Variants in IKZF2 observed in about 807,000 individuals in gnomAD.
IKZF2 encodes the protein zinc finger protein Helios.
Under a neutral mutation model 49.2 loss-of-function variants are expected in IKZF2, and 15 were observed. The ratio of observed to expected loss-of-function variants is 0.30; its 90% CI spans 0.20 to 0.47. The LOEUF is 0.47. Among genes scored for constraint, IKZF2 ranks in the 20% least tolerant of loss-of-function variants. The pLI, the probability that IKZF2 is intolerant of heterozygous loss-of-function variation, is 1.00. For missense variants in IKZF2, 567 were observed against 664.6 expected, an observed-to-expected ratio of 0.85 and a Z score of 1.61; for synonymous variants, 227 against 221.4, an observed-to-expected ratio of 1.03 and a Z score of -0.23.
At chr2:213,096,057 G>A (rs1705940565) in intron 4 of IKZF2, among the ~76,000 whole-genome samples, 1 of 151,854 alleles carries the variant, frequency 6.6e-6, no homozygotes, top group South Asian at 2.1e-4. Flanking sequence ...GTCCAAAAGA[G>A]CCTAGAAGAG....
Position 213,148,613 on chromosome 2 carries a change from A to G in IKZF2, c.17T>C (p.Ile6Thr), listed in dbSNP as rs141147038. 2.7e-4 allele frequency: 441 copies of G among 1,612,190 alleles called. 2 individuals are homozygous for G. In the African/African-American group the frequency reaches 4.9e-3, roughly 18 times the overall value. The change falls in exon 3 of 9, where the codon ATT becomes ACT. Residue 6 changes from isoleucine (I) to threonine (T), a missense_variant. Transcript: ENST00000434687. METEA[I>T]DGYITCDNEL... ...ATACTTACACGTTATATAGCCATCA[A>G]TAGCCTCTGTTTCCATAGTCAAAGT...
At chr2:213,089,915 A>T (rs895026264) in intron 4 of IKZF2, among the ~76,000 whole-genome samples, 1 of 152,204 alleles carries the variant, frequency 6.6e-6, no homozygotes, top group African/African-American at 2.4e-5. Flanking sequence ...TATGACCAGA[A>T]ATTGATCAAG....
At chr2:213,105,722 C>T (rs1345691018) in intron 4 of IKZF2, among the ~76,000 whole-genome samples, 1 of 152,090 alleles carries the variant, frequency 6.6e-6, no homozygotes, top group African/African-American at 2.4e-5. Context: ...TTATCAAATG[C>T]TACAAATCAG....
chr2:213,010,373 A>T (rs2125027581), intron 8 of IKZF2, among the ~76,000 whole-genome samples: 1 of 152,138 alleles, frequency 6.6e-6, no homozygotes, highest in African/African-American at 2.4e-5. Flanking sequence ...TAGATCAGGG[A>T]AAGTGGGGTT....
chr2:213,110,169 A>G (rs534508463), intron 4 of IKZF2, among the ~76,000 whole-genome samples: 26 of 152,114 alleles, frequency 1.7e-4, no homozygotes, highest in African/African-American at 6.0e-4. Flanking sequence ...ACTGTGGTTT[A>G]GTTGTTATTA....
At chr2:213,024,181 A>G (rs1697539351) in intron 6 of IKZF2, among the ~76,000 whole-genome samples, 1 of 152,122 alleles carries the variant, frequency 6.6e-6, no homozygotes, top group Non-Finnish European at 1.5e-5. Context: ...TTCTAAATGT[A>G]TAACCCTAAT....
At chr2:213,135,584 G>A (rs1175639172) in intron 4 of IKZF2, among the ~76,000 whole-genome samples, 2 of 149,920 alleles carry the variant, frequency 1.3e-5, no homozygotes, top group African/African-American at 4.9e-5. Flanking sequence ...TGTAGCCCCA[G>A]ATACTTGAGA....
intron 4 of IKZF2, among the ~76,000 whole-genome samples, chr2:213,060,117 C>A (rs570699233): frequency 1.7e-4 from 25 of 151,392 alleles, no homozygotes; most frequent in Middle Eastern, 3.6e-3. Flanking sequence ...CATCTCACTA[C>A]AATTAGGTTG....
chr2:213,009,524 C>T (rs1695713852), intron 8 of IKZF2, among the ~76,000 whole-genome samples: 1 of 151,876 alleles, frequency 6.6e-6, no homozygotes, highest in Admixed American at 6.6e-5. Context: ...AAGAAATGGC[C>T]CCTACGTGAG....
chr2:213,037,470 G>C (rs1699143317), intron 6 of IKZF2, among the ~76,000 whole-genome samples: 1 of 152,138 alleles, frequency 6.6e-6, no homozygotes, highest in African/African-American at 2.4e-5. Flanking sequence ...ATGGTTATTG[G>C]TCTGGGGTAG....
At position 213,002,164 on chromosome 2, in the gene IKZF2, T is replaced by C. The variant is rs920779578; in HGVS notation, c.*5196A>G. The C allele has an allele frequency of 2.0e-5, 3 of 151,478 alleles. No individual in the cohort carries two copies. Among genetic ancestry groups the C allele is most frequent in the African/African-American group, 7.2e-5 (3 of 41,386 alleles). 9.4% of individuals were successfully genotyped at this position (151,478 alleles called of 1,614,324 possible). ...AGCAGAGGGCCTTTAACTTTTATAT[T>C]TTATTCACAATAAAAAGGACATCTT... On this transcript the variant is annotated 3_prime_UTR_variant, in exon 9 of 9. Transcript: ENST00000434687.
At chr2:213,116,455 G>T (rs1419057809) in intron 4 of IKZF2, among the ~76,000 whole-genome samples, 1 of 152,162 alleles carries the variant, frequency 6.6e-6, no homozygotes, top group Non-Finnish European at 1.5e-5. Flanking sequence ...TCTGCAGGCT[G>T]GGGGCACAGT....
chr2:213,061,984 G>A (rs1441215940), intron 4 of IKZF2, among the ~76,000 whole-genome samples: 1 of 151,338 alleles, frequency 6.6e-6, no homozygotes, highest in Non-Finnish European at 1.5e-5. Context: ...ACCCATTTGT[G>A]CAAGACAGCA....
intron 4 of IKZF2, among the ~76,000 whole-genome samples, chr2:213,058,978 C>T (rs537458080): frequency 5.1e-4 from 78 of 151,782 alleles, no homozygotes; most frequent in Admixed American, 8.5e-4. Flanking sequence ...ATTTGTTCAT[C>T]CAGTTAATCA....
At chr2:213,039,734 A>T (rs1245422632) in intron 6 of IKZF2, among the ~76,000 whole-genome samples, 1 of 152,136 alleles carries the variant, frequency 6.6e-6, no homozygotes, top group Admixed American at 6.5e-5. Context: ...ATACACAAAT[A>T]AATAATTATA....
intron 4 of IKZF2, among the ~76,000 whole-genome samples, chr2:213,061,898 A>G (rs1316641754): frequency 6.6e-6 from 1 of 151,656 alleles, no homozygotes; most frequent in Non-Finnish European, 1.5e-5. Flanking sequence ...TGAACAATAT[A>G]TAAATGTAAA....
chr2:213,027,290 T>A (rs1279970638), intron 6 of IKZF2, among the ~76,000 whole-genome samples: 2 of 152,124 alleles, frequency 1.3e-5, no homozygotes, highest in African/African-American at 2.4e-5. Context: ...AAATGGAAAT[T>A]TCCAGTAGTC....
At chr2:213,133,325 A>C (rs2060534435) in intron 4 of IKZF2, among the ~76,000 whole-genome samples, 1 of 152,236 alleles carries the variant, frequency 6.6e-6, no homozygotes, top group Admixed American at 6.5e-5. Context: ...AGCTTCCAAG[A>C]GATAAAATAT....
At chr2:213,140,515 ATATT>A (rs1179428021) in intron 4 of IKZF2, among the ~76,000 whole-genome samples, 2 of 151,982 alleles carry the variant, frequency 1.3e-5, no homozygotes, top group African/African-American at 4.8e-5. Flanking sequence ...TTTCAATAGC[ATATT>A]TATTTATAAG....
Sources: allele counts gnomAD v4.1 joint callset (sites outside exome capture counted in the v4.1 genomes callset), GRCh38; gene constraint gnomAD v4.1.1; transcripts MANE v1.5; gene names NCBI Gene and HGNC (gene_info 2026-07-23, HGNC 2026-07-21).